The following PTPRN2 variants were observed in gnomAD, a reference collection of about 807,000 sequenced individuals.
PTPRN2 encodes the protein receptor-type tyrosine-protein phosphatase N2.
A neutral mutation model predicts 118.8 loss-of-function variants in PTPRN2; 74 were observed. That is an observed-to-expected ratio of 0.62 (90% CI 0.52 to 0.76). The LOEUF (loss-of-function observed/expected upper bound fraction) is 0.76. PTPRN2 is among the 30% of genes least tolerant of loss of function. The pLI, the probability that PTPRN2 is intolerant of heterozygous loss-of-function variation, is 0.00. For missense variants in PTPRN2, 1,481 were observed against 1,394.4 expected (o/e 1.06, Z -0.99); for synonymous variants, 641 against 608.0 (o/e 1.05, Z -0.80).
intron 10 of PTPRN2, among the ~76,000 whole-genome samples, chr7:158,104,042 A>G (rs189647437): frequency 1.1e-3 from 167 of 151,664 alleles, no homozygotes; most frequent in African/African-American, 3.7e-3. Flanking sequence ...TTGTATTTTT[A>G]AGTAGAGATG....
At chr7:158,528,435 G>C (rs758248177) in intron 1 of PTPRN2, among the ~76,000 whole-genome samples, 6 of 152,162 alleles carry the variant, frequency 3.9e-5, no homozygotes, top group Non-Finnish European at 5.9e-5. Flanking sequence ...GGTGTATCAG[G>C]AACAGGTTCA....
At chr7:158,441,429 G>A (rs1452968449) in intron 2 of PTPRN2, among the ~76,000 whole-genome samples, 1 of 149,068 alleles carries the variant, frequency 6.7e-6, no homozygotes, top group Non-Finnish European at 1.5e-5. Context: ...TGGTGATAGT[G>A]ATGGTGATGG....
intron 11 of PTPRN2, among the ~76,000 whole-genome samples, chr7:157,919,102 G>A (rs901410333): frequency 1.3e-5 from 2 of 152,268 alleles, no homozygotes; most frequent in South Asian, 2.1e-4. Flanking sequence ...CAGCGGGCCC[G>A]AGAACATGAC....
In PTPRN2 at chr7:157,615,744, G is replaced by A. The variant is rs1466115049; in HGVS notation, c.2344+5618C>T. 2.5e-6 allele frequency: 1 copy of A among 393,046 alleles called. No homozygotes were observed. The highest frequency in any genetic ancestry group is 1.9e-5 in the South Asian group (1 of 53,540). 24.3% of individuals were successfully genotyped at this position (393,046 alleles called of 1,614,324 possible). A position where few individuals can be genotyped will look rare whatever the true frequency, so the allele number is the denominator to read the frequency against. On this transcript the variant is annotated intron_variant, in intron 15 of 22. Coordinates refer to ENST00000389418, the MANE Select transcript of PTPRN2 (RefSeq NM_002847.5). The surrounding 1 kb of genome is among the most constrained non-coding windows in gnomAD (Gnocchi z 4.3). ...CAGTGACTCAGGAACCACAAGCTCT[G>A]GAGGCTGAACGAGAATCGGTTACAG...
intron 12 of PTPRN2, among the ~76,000 whole-genome samples, chr7:157,765,031 T>TC (rs201873385): frequency 6.7e-5 from 10 of 148,926 alleles, no homozygotes; most frequent in African/African-American, 2.0e-4. Flanking sequence ...CATCCATCCA[T>TC]CATGCACTCA....
At chr7:158,366,330 C>A (rs1210835874) in intron 2 of PTPRN2, among the ~76,000 whole-genome samples, 2 of 149,072 alleles carry the variant, frequency 1.3e-5, no homozygotes, top group Admixed American at 6.7e-5. Context: ...CACACACACA[C>A]CCACAGCATC....
At chr7:157,971,590 C>G (rs746106928) in intron 11 of PTPRN2, among the ~76,000 whole-genome samples, 2 of 152,118 alleles carry the variant, frequency 1.3e-5, no homozygotes, top group Non-Finnish European at 2.9e-5. Context: ...TGCTAATTAA[C>G]TGAAGCATCT....
intron 11 of PTPRN2, among the ~76,000 whole-genome samples, chr7:157,910,398 G>A (rs1436796521): frequency 1.4e-5 from 2 of 145,638 alleles, no homozygotes; most frequent in Admixed American, 6.7e-5. Flanking sequence ...CCGTGGGGAC[G>A]GGTCCAGGAT....
chr7:158,334,093 G>T (rs1169830663), intron 2 of PTPRN2, among the ~76,000 whole-genome samples: 3 of 79,894 alleles, frequency 3.8e-5, no homozygotes, highest in African/African-American at 1.4e-4. Flanking sequence ...CTCACCATAA[G>T]AGGTGACACC....
At chr7:158,071,314 TGG>T (rs1239449706) in intron 11 of PTPRN2, among the ~76,000 whole-genome samples, 22 of 114,482 alleles carry the variant, frequency 1.9e-4, no homozygotes, top group Admixed American at 3.5e-4. Context: ...GAGGTGCCCA[TGG>T]TAGTGGAGGT....
intron 3 of PTPRN2, among the ~76,000 whole-genome samples, chr7:158,281,515 A>G (rs1222475761): frequency 2.0e-5 from 3 of 152,232 alleles, no homozygotes; most frequent in Non-Finnish European, 2.9e-5. Context: ...ATATGCCCAC[A>G]GTCTGCTATG....
In PTPRN2 at chr7:157,598,613, T is replaced by G. The variant is rs1171778489; in HGVS notation, c.2419-3298A>C. Among the ~76,000 whole-genome samples, 1 of 152,244 alleles carries G rather than the reference T, an allele frequency of 6.6e-6. No individual in the cohort carries two copies. The highest frequency in any genetic ancestry group is 6.5e-5 in the Admixed American group (1 of 15,286). ...CTCTGGATTCCAGTGCACGTGCATG[T>G]GCAGACTCGTCTGTGTGTATGTGTG... On this transcript the variant is annotated intron_variant, in intron 16 of 22. Transcript: ENST00000389418. The surrounding 1 kb of genome is among the most constrained non-coding windows in gnomAD (Gnocchi z 5.2).
At chr7:158,085,563 G>A (rs111204866) in intron 10 of PTPRN2, among the ~76,000 whole-genome samples, 2,315 of 74,876 alleles carry the variant, frequency 0.031, 128 homozygotes, top group African/African-American at 0.12. Flanking sequence ...CACCCACCAC[G>A]CCCATCCACA....
chr7:157,559,408 GA>G (rs1334447046), intron 21 of PTPRN2, among the ~76,000 whole-genome samples: 1 of 152,234 alleles, frequency 6.6e-6, no homozygotes, highest in Non-Finnish European at 1.5e-5. Context: ...CCAGGATAGG[GA>G]GTGGCAGAAC....
At chr7:157,592,470 A>G (rs985051351) in intron 17 of PTPRN2, among the ~76,000 whole-genome samples, 1 of 151,892 alleles carries the variant, frequency 6.6e-6, no homozygotes, top group African/African-American at 2.4e-5. Context: ...CACAGGATGG[A>G]GGGTGGATGT....
chr7:158,585,800 G>A lies in PTPRN2; in HGVS notation c.112+1758C>T, dbSNP rs552430881. 2.6e-4 allele frequency among the ~76,000 whole-genome samples: 39 copies of A among 152,312 alleles called. 1 individual carries two copies. The highest frequency in any genetic ancestry group is 1.9e-3 in the South Asian group (9 of 4,828). ...CACCATAATGACCTACCTTCCCTGG[G>A]ACACTCCACGCCCATGTGTGCTTCA... On this transcript the variant is annotated intron_variant, in intron 1 of 22. Coordinates refer to ENST00000389418, the MANE Select transcript of PTPRN2 (RefSeq NM_002847.5).
intron 11 of PTPRN2, among the ~76,000 whole-genome samples, chr7:158,061,228 G>T (rs912907667): frequency 1.3e-5 from 2 of 152,236 alleles, no homozygotes; most frequent in African/African-American, 4.8e-5. Flanking sequence ...AAGCTGCTCC[G>T]CTCAGAGAGT....
chr7:158,076,298 G>A (rs143330155), intron 11 of PTPRN2, among the ~76,000 whole-genome samples: 211 of 152,318 alleles, frequency 1.4e-3, no homozygotes, highest in African/African-American at 4.4e-3. Context: ...AGCTCCACCC[G>A]GCCTGGCCTC....
chr7:158,421,275 G>C (rs778547257), intron 2 of PTPRN2, among the ~76,000 whole-genome samples: 10 of 152,224 alleles, frequency 6.6e-5, no homozygotes, highest in Non-Finnish European at 1.3e-4. Context: ...AGCTCAGCCT[G>C]TGGATATTAG....
Sources: allele counts gnomAD v4.1 joint callset (sites outside exome capture counted in the v4.1 genomes callset), GRCh38; gene constraint gnomAD v4.1.1; non-coding constraint Gnocchi (gnomAD v3.1); transcripts MANE v1.5; gene names NCBI Gene and HGNC (gene_info 2026-07-23, HGNC 2026-07-21).